Variants in SUPT3H observed in about 807,000 individuals in gnomAD.
The protein encoded by SUPT3H is SPT3 homolog, SAGA and STAGA complex component.
In SUPT3H, 44 loss-of-function variants were observed where a neutral mutation model predicts 44.3. The ratio of observed to expected loss-of-function variants is 0.99; its 90% CI spans 0.78 to 1.28. The LOEUF (loss-of-function observed/expected upper bound fraction) is 1.28, where lower values mean the gene tolerates loss of function less well. Ranked by LOEUF, SUPT3H falls within the 50% of genes most tolerant of loss-of-function variation. SUPT3H has a pLI of 0.00. For synonymous variants in SUPT3H, 124 were observed against 125.6 expected, an observed-to-expected ratio of 0.99 and a Z score of 0.09; for missense variants, 380 against 387.1, an observed-to-expected ratio of 0.98 and a Z score of 0.15.
At chr6:44,853,487 C>T (rs910358196) in intron 10 of SUPT3H, among the ~76,000 whole-genome samples, 2 of 152,074 alleles carry the variant, frequency 1.3e-5, no homozygotes, top group South Asian at 2.1e-4. Context: ...TAGTGGGAAA[C>T]CAACTCTATC....
intron 10 of SUPT3H, among the ~76,000 whole-genome samples, chr6:44,844,587 A>C (rs1410068252): frequency 6.6e-6 from 1 of 152,252 alleles, no homozygotes; most frequent in Non-Finnish European, 1.5e-5. Flanking sequence ...TATATGCAAT[A>C]ACACAGATGA....
chr6:45,136,522 G>A (rs1804304194), intron 2 of SUPT3H, among the ~76,000 whole-genome samples: 1 of 151,536 alleles, frequency 6.6e-6, no homozygotes, highest in African/African-American at 2.4e-5. Context: ...ATTTCAAAGA[G>A]CTAAAGAAAT....
intron 2 of SUPT3H, among the ~76,000 whole-genome samples, chr6:45,347,652 A>C (rs914328730): frequency 1.3e-5 from 2 of 152,138 alleles, no homozygotes; most frequent in African/African-American, 2.4e-5. Flanking sequence ...ACAGAGAAAA[A>C]AATTTTAAAT....
At chr6:45,166,828 C>T (rs1409064583) in intron 2 of SUPT3H, among the ~76,000 whole-genome samples, 1 of 152,090 alleles carries the variant, frequency 6.6e-6, no homozygotes, top group Non-Finnish European at 1.5e-5. Flanking sequence ...ACTTACACAC[C>T]ATTACATACC....
At chr6:45,122,282 T>C (rs1424705977) in intron 2 of SUPT3H, among the ~76,000 whole-genome samples, 1 of 152,120 alleles carries the variant, frequency 6.6e-6, no homozygotes, top group Non-Finnish European at 1.5e-5. Context: ...TTAGTACATG[T>C]TATAAGAATA....
chr6:45,024,710 G>A (rs953381709), intron 3 of SUPT3H, among the ~76,000 whole-genome samples: 2 of 152,122 alleles, frequency 1.3e-5, no homozygotes, highest in South Asian at 2.1e-4. Flanking sequence ...GCATTATTCC[G>A]GGAGTGACTA....
intron 2 of SUPT3H, among the ~76,000 whole-genome samples, chr6:45,174,946 G>A (rs1330658183): frequency 7.1e-6 from 1 of 141,262 alleles, no homozygotes; most frequent in Non-Finnish European, 1.5e-5. Context: ...GGGAGGTCAG[G>A]GTGAGAGGAT....
chr6:45,053,964 C>A (rs1427553394), intron 3 of SUPT3H, among the ~76,000 whole-genome samples: 2 of 151,426 alleles, frequency 1.3e-5, no homozygotes, highest in African/African-American at 4.9e-5. Context: ...CCCTTCTCCC[C>A]TGAAGACCAT....
At chr6:45,196,758 T>C (rs1280352503) in intron 2 of SUPT3H, among the ~76,000 whole-genome samples, 1 of 151,936 alleles carries the variant, frequency 6.6e-6, no homozygotes, top group East Asian at 1.9e-4. Flanking sequence ...TTCTCAAAGA[T>C]CATGTGTATG....
intron 2 of SUPT3H, among the ~76,000 whole-genome samples, chr6:45,167,897 C>T (rs1318069061): frequency 1.3e-5 from 2 of 151,868 alleles, no homozygotes; most frequent in East Asian, 3.9e-4. Context: ...CTGCAACCTC[C>T]GCCTCTCAGG....
intron 10 of SUPT3H, among the ~76,000 whole-genome samples, chr6:44,863,732 T>A (rs1418040009): frequency 1.3e-5 from 2 of 151,660 alleles, no homozygotes; most frequent in African/African-American, 2.4e-5. Context: ...ACTGCATAAT[T>A]TACAAAGAAA....
At chr6:45,053,717 T>C (rs1041888454) in intron 3 of SUPT3H, among the ~76,000 whole-genome samples, 3 of 113,420 alleles carry the variant, frequency 2.6e-5, no homozygotes, top group African/African-American at 3.6e-5. Flanking sequence ...TCTAACACGG[T>C]GAAACCCCAT....
At chr6:45,205,306 G>T (rs957064142) in intron 2 of SUPT3H, among the ~76,000 whole-genome samples, 44 of 152,056 alleles carry the variant, frequency 2.9e-4, no homozygotes, top group Non-Finnish European at 5.9e-5. Flanking sequence ...TAACATAGAA[G>T]GACTCCATGT....
intron 2 of SUPT3H, among the ~76,000 whole-genome samples, chr6:45,160,450 TAAAG>T (rs1453612077): frequency 1.3e-5 from 2 of 151,894 alleles, no homozygotes; most frequent in Admixed American, 6.6e-5. Context: ...AGTCAAGATA[TAAAG>T]AGATTTTCCA....
chr6:45,046,522 A>G lies in SUPT3H; in HGVS notation c.187-25890T>C, dbSNP rs575799447. ...ATATTTGTATTTTTAGTAGAGAGGA[A>G]GTTTCACCATGTTGGCCAGGCTGGT... is the stretch of plus-strand genomic sequence containing the variant. On this transcript the variant is annotated intron_variant, in intron 3 of 10. Transcript: ENST00000371459. Among the ~76,000 whole-genome samples the G allele has an allele frequency of 2.0e-5, 3 of 152,086 alleles. No individual in the cohort carries two copies. The East Asian group carries it at 5.8e-4, about 29-fold the overall frequency.
At chr6:44,843,043 A>G (rs1771262408) in intron 10 of SUPT3H, among the ~76,000 whole-genome samples, 2 of 152,238 alleles carry the variant, frequency 1.3e-5, no homozygotes, top group African/African-American at 4.8e-5. Context: ...CAATATTTCT[A>G]GAAATTTTAG....
At chr6:44,974,297 GTATAA>G (rs1472890678) in intron 6 of SUPT3H, among the ~76,000 whole-genome samples, 2 of 111,004 alleles carry the variant, frequency 1.8e-5, no homozygotes, top group African/African-American at 7.8e-5. Flanking sequence ...ACACATATAT[GTATAA>G]TGTGTGTGTA....
intron 2 of SUPT3H, among the ~76,000 whole-genome samples, chr6:45,209,788 C>T (rs1763791235): frequency 6.6e-6 from 1 of 152,182 alleles, no homozygotes; most frequent in South Asian, 2.1e-4. Flanking sequence ...TATTAAAGAG[C>T]ATCATGTGCT....
chr6:44,995,218 A>C (rs1781118741), intron 6 of SUPT3H, among the ~76,000 whole-genome samples: 1 of 152,058 alleles, frequency 6.6e-6, no homozygotes, highest in African/African-American at 2.4e-5. Flanking sequence ...ATTTATTGAG[A>C]GCATCTAATA....
Sources: allele counts gnomAD v4.1 joint callset (sites outside exome capture counted in the v4.1 genomes callset), GRCh38; gene constraint gnomAD v4.1.1; transcripts MANE v1.5; gene names NCBI Gene and HGNC (gene_info 2026-07-23, HGNC 2026-07-21).